DLGAP1: variants seen among roughly 807,000 people sequenced by gnomAD.
DLGAP1 encodes the protein disks large-associated protein 1.
Under a neutral mutation model 90.8 loss-of-function variants are expected in DLGAP1, and 11 were observed. The observed-to-expected ratio is 0.12, with a 90% confidence interval of 0.08 to 0.20. The LOEUF is 0.20. Among genes scored for constraint, DLGAP1 ranks in the 10% least tolerant of loss-of-function variants. The pLI is 1.00. For synonymous variants in DLGAP1, 558 were observed against 540.7 expected (o/e 1.03, Z -0.44); for missense variants, 1,050 against 1,333.8 (o/e 0.79, Z 3.31).
intron 1 of DLGAP1, among the ~76,000 whole-genome samples, chr18:4,188,346 A>T (rs1189431714): frequency 6.6e-6 from 1 of 152,148 alleles, no homozygotes; most frequent in Non-Finnish European, 1.5e-5. Flanking sequence ...ATACATGTGC[A>T]GAATGTGCAG....
At chr18:3,654,690 C>T (rs1474378631) in intron 7 of DLGAP1, 1 of 152,168 alleles carries the variant, frequency 6.6e-6, no homozygotes, top group South Asian at 2.1e-4. Flanking sequence ...TTCTGTGTCT[C>T]TTATATCGTT....
At chr18:3,551,735 C>T (rs1202018958) in intron 9 of DLGAP1, among the ~76,000 whole-genome samples, 2 of 60,328 alleles carry the variant, frequency 3.3e-5, no homozygotes, top group Non-Finnish European at 6.0e-5. Flanking sequence ...TTCCTTCCTT[C>T]CTTCCTTCCT....
chr18:4,218,488 T>C (rs1040089491), intron 1 of DLGAP1, among the ~76,000 whole-genome samples: 1 of 152,000 alleles, frequency 6.6e-6, no homozygotes, highest in African/African-American at 2.4e-5. Flanking sequence ...AAACCTAATC[T>C]TTTAGCAATT....
intron 1 of DLGAP1, among the ~76,000 whole-genome samples, chr18:4,404,981 A>G (rs1032339858): frequency 9.2e-5 from 14 of 152,226 alleles, no homozygotes; most frequent in South Asian, 2.1e-4. Flanking sequence ...TAACTAAGAT[A>G]GAGAATAATC....
At chr18:4,236,028 A>G (rs1474537655) in intron 1 of DLGAP1, among the ~76,000 whole-genome samples, 1 of 151,978 alleles carries the variant, frequency 6.6e-6, no homozygotes, top group African/African-American at 2.4e-5. Flanking sequence ...GCCTGGCCTC[A>G]ATGTTTTTTC....
At chr18:3,835,591 G>A (rs945436326) in intron 4 of DLGAP1, among the ~76,000 whole-genome samples, 8 of 150,788 alleles carry the variant, frequency 5.3e-5, no homozygotes, top group Non-Finnish European at 7.4e-5. Context: ...GGAAGTTGCG[G>A]TGAGCCAAGA....
At chr18:3,645,800 C>T (rs1049654526) in intron 7 of DLGAP1, among the ~76,000 whole-genome samples, 2 of 152,240 alleles carry the variant, frequency 1.3e-5, no homozygotes, top group Admixed American at 6.5e-5. Context: ...TCTTTCTGTC[C>T]CCATGGCCTG....
chr18:4,343,079 A>G (rs1006812210), intron 1 of DLGAP1, among the ~76,000 whole-genome samples: 8 of 152,100 alleles, frequency 5.3e-5, no homozygotes, highest in South Asian at 2.1e-4. Context: ...AGGCCGAGGC[A>G]GGCGGATCAC....
chr18:4,249,181 G>C (rs1178112887), intron 1 of DLGAP1, among the ~76,000 whole-genome samples: 2 of 152,042 alleles, frequency 1.3e-5, no homozygotes, highest in Non-Finnish European at 2.9e-5. Context: ...GTTCATTGCT[G>C]TATACTCCCT....
chr18:3,858,362 G>C (rs2069782504), intron 4 of DLGAP1, among the ~76,000 whole-genome samples: 1 of 151,968 alleles, frequency 6.6e-6, no homozygotes, highest in Admixed American at 6.6e-5. Flanking sequence ...GAGGGCAAGA[G>C]TCATGTCCTT....
chr18:4,250,785 CA>C (rs2078763146), intron 1 of DLGAP1, among the ~76,000 whole-genome samples: 2 of 151,944 alleles, frequency 1.3e-5, no homozygotes, highest in African/African-American at 4.8e-5. Context: ...AACAAGATTT[CA>C]AAAATGTCAT....
chr18:4,056,333 T>C (rs1287132296), intron 2 of DLGAP1, among the ~76,000 whole-genome samples: 1 of 152,220 alleles, frequency 6.6e-6, no homozygotes, highest in Non-Finnish European at 1.5e-5. Context: ...TAGCTGTGCC[T>C]GTCTTCATAC....
intron 7 of DLGAP1, among the ~76,000 whole-genome samples, chr18:3,611,913 C>A (rs750667162): frequency 6.6e-6 from 1 of 152,256 alleles, no homozygotes; most frequent in East Asian, 1.9e-4. Flanking sequence ...CCCAGATCCT[C>A]TCCAAGCTCT....
At chr18:4,015,017 C>G (rs2074496916) in intron 2 of DLGAP1, among the ~76,000 whole-genome samples, 2 of 152,232 alleles carry the variant, frequency 1.3e-5, no homozygotes, top group South Asian at 2.1e-4. Context: ...CGAGAACATG[C>G]CTTTGAACTG....
intron 6 of DLGAP1, among the ~76,000 whole-genome samples, chr18:3,730,899 T>A (rs2147481751): frequency 6.6e-6 from 1 of 152,336 alleles, no homozygotes; most frequent in South Asian, 2.1e-4. Flanking sequence ...GAAAGTTATA[T>A]CTCTATATAT....
intron 3 of DLGAP1, among the ~76,000 whole-genome samples, chr18:3,932,323 C>G (rs1302138204): frequency 6.6e-6 from 1 of 152,138 alleles, no homozygotes; most frequent in Non-Finnish European, 1.5e-5. Flanking sequence ...TCAAAAAGTT[C>G]CCTTGAGCAA....
At chr18:3,567,850 A>G (rs545633878) in intron 8 of DLGAP1, among the ~76,000 whole-genome samples, 15 of 152,316 alleles carry the variant, frequency 9.8e-5, no homozygotes, top group African/African-American at 3.6e-4. Flanking sequence ...AGACTTAAGT[A>G]TCTTACTGTA....
intron 1 of DLGAP1, among the ~76,000 whole-genome samples, chr18:4,406,121 T>C (rs2082659237): frequency 6.6e-6 from 1 of 152,064 alleles, no homozygotes; most frequent in African/African-American, 2.4e-5. Context: ...TATGCAAACG[T>C]CTGATTGGTT....
At chr18:4,149,611 T>C (rs2076639900) in intron 2 of DLGAP1, among the ~76,000 whole-genome samples, 1 of 152,176 alleles carries the variant, frequency 6.6e-6, no homozygotes, top group African/African-American at 2.4e-5. Context: ...AAGTGAGCAG[T>C]GGGCCAGCGT....
Sources: allele counts gnomAD v4.1 joint callset (sites outside exome capture counted in the v4.1 genomes callset), GRCh38; gene constraint gnomAD v4.1.1; transcripts MANE v1.5; gene names NCBI Gene and HGNC (gene_info 2026-07-23, HGNC 2026-07-21).